Variants in DPYD observed in about 807,000 individuals in gnomAD.
DPYD encodes dihydropyrimidine dehydrogenase, also known as dihydropyrimidine dehydrogenase [NADP(+)].
In DPYD, 109 loss-of-function variants were observed where a neutral mutation model predicts 116.2. The observed-to-expected ratio is 0.94, with a 90% CI of 0.80 to 1.10. DPYD has a LOEUF of 1.10. Ranked by LOEUF, DPYD falls within the 50% of genes least tolerant of loss-of-function variation. DPYD has a pLI of 0.00. For synonymous variants in DPYD, 440 were observed against 432.0 expected, an observed-to-expected ratio of 1.02 and a Z score of -0.23; for missense variants, 1,302 against 1,254.5, an observed-to-expected ratio of 1.04 and a Z score of -0.57.
chr1:97,402,934 A>G (rs1317957266), intron 14 of DPYD, among the ~76,000 whole-genome samples: 1 of 151,996 alleles, frequency 6.6e-6, no homozygotes, highest in African/African-American at 2.4e-5. Context: ...TGAATGTTGA[A>G]CCAGCCTTGA....
chr1:97,774,952 C>A, intron 3 of DPYD: 1 of 341,740 alleles, frequency 2.9e-6, no homozygotes, highest in Non-Finnish European at 6.1e-6. Flanking sequence ...CCTCAAAGGT[C>A]ACCTCACTGC....
intron 13 of DPYD, among the ~76,000 whole-genome samples, chr1:97,475,400 T>C (rs1294425714): frequency 6.6e-6 from 1 of 151,714 alleles, no homozygotes; most frequent in East Asian, 1.9e-4. Context: ...ATAAAAACAG[T>C]GACAATAAAT....
At chr1:97,540,482 T>G (rs1017780152) in intron 12 of DPYD, among the ~76,000 whole-genome samples, 1 of 152,160 alleles carries the variant, frequency 6.6e-6, no homozygotes, top group Non-Finnish European at 1.5e-5. Context: ...GGGCAAGGTC[T>G]GAAAGGGCCC....
At chr1:97,418,209 C>T (rs919812195) in intron 14 of DPYD, among the ~76,000 whole-genome samples, 1 of 151,888 alleles carries the variant, frequency 6.6e-6, no homozygotes, top group African/African-American at 2.4e-5. Flanking sequence ...TATTTATTTC[C>T]ACTACTTGCT....
intron 19 of DPYD, among the ~76,000 whole-genome samples, chr1:97,227,331 C>CAAAAAAAA (rs60992225): frequency 4.4e-3 from 116 of 26,176 alleles, no homozygotes; most frequent in Non-Finnish European, 5.1e-3. Flanking sequence ...GACTCTATCT[C>CAAAAAAAA]AAAAAAAAAA....
At chr1:97,406,454 C>T (rs980972446) in intron 14 of DPYD, among the ~76,000 whole-genome samples, 2 of 150,684 alleles carry the variant, frequency 1.3e-5, no homozygotes, top group African/African-American at 4.9e-5. Context: ...GCAGAATGTG[C>T]AGGTTTGTTA....
At chr1:97,757,700 T>C (rs1665324924) in intron 3 of DPYD, among the ~76,000 whole-genome samples, 1 of 152,130 alleles carries the variant, frequency 6.6e-6, no homozygotes, top group African/African-American at 2.4e-5. Flanking sequence ...TACTTAAAAA[T>C]AATGTAGACA....
chr1:97,489,053 C>T (rs1473342229), intron 13 of DPYD, among the ~76,000 whole-genome samples: 1 of 152,160 alleles, frequency 6.6e-6, no homozygotes, highest in East Asian at 1.9e-4. Context: ...CGGGCTGAGC[C>T]CCAATTTGGG....
intron 1 of DPYD, among the ~76,000 whole-genome samples, chr1:97,902,695 A>G (rs572810761): frequency 3.9e-5 from 6 of 151,956 alleles, no homozygotes; most frequent in Admixed American, 3.9e-4. Context: ...GCTATATAAT[A>G]AGAGGTAATT....
chr1:97,915,523 C>T (rs955116398), intron 1 of DPYD, among the ~76,000 whole-genome samples: 2 of 152,006 alleles, frequency 1.3e-5, no homozygotes, highest in Non-Finnish European at 2.9e-5. Context: ...TAATTGGCTC[C>T]AGGATATCAG....
intron 16 of DPYD, among the ~76,000 whole-genome samples, chr1:97,363,474 A>G (rs562781643): frequency 6.6e-6 from 1 of 152,340 alleles, no homozygotes; most frequent in South Asian, 2.1e-4. Flanking sequence ...AGGATTATAA[A>G]TCATGCTACT....
chr1:97,181,946 A>G (rs1000696563), intron 20 of DPYD, among the ~76,000 whole-genome samples: 5 of 152,140 alleles, frequency 3.3e-5, no homozygotes, highest in African/African-American at 1.2e-4. Context: ...AAAGTACTGC[A>G]AAATAGCTAT....
At chr1:97,196,909 A>C (rs1658858543) in intron 19 of DPYD, among the ~76,000 whole-genome samples, 1 of 152,234 alleles carries the variant, frequency 6.6e-6, no homozygotes, top group South Asian at 2.1e-4. Flanking sequence ...CTTCAACTGA[A>C]ATATAGCTCT....
At chr1:97,296,494 A>T (rs1666539242) in intron 18 of DPYD, among the ~76,000 whole-genome samples, 1 of 152,182 alleles carries the variant, frequency 6.6e-6, no homozygotes, top group South Asian at 2.1e-4. Context: ...TACATGATCA[A>T]ATTATTTAAA....
intron 13 of DPYD, among the ~76,000 whole-genome samples, chr1:97,466,754 T>C (rs889675591): frequency 6.6e-6 from 1 of 152,188 alleles, no homozygotes; most frequent in Non-Finnish European, 1.5e-5. Context: ...CATCTAAGCA[T>C]ATTAAAGGCC....
chr1:97,102,240 G>A lies in DPYD; in HGVS notation c.2623-3608C>T, dbSNP rs555026840. On this transcript the variant is annotated intron_variant, in intron 20 of 22. Coordinates refer to ENST00000370192, the MANE Select transcript of DPYD (RefSeq NM_000110.4). ...GCAAGTTGCCTAATAGCACTAGTCT[G>A]TAGTACTGTAATGGATCAACTTTAT... 7.9e-5 allele frequency among the ~76,000 whole-genome samples: 12 copies of A among 151,562 alleles called. No individual in the cohort carries two copies. The South Asian group carries it at 2.5e-3, about 32-fold the overall frequency.
chr1:97,716,560 G>A (rs1323171600), intron 5 of DPYD, among the ~76,000 whole-genome samples: 1 of 151,986 alleles, frequency 6.6e-6, no homozygotes, highest in Non-Finnish European at 1.5e-5. Context: ...ACAATAAATG[G>A]AATTGAGTTA....
chr1:97,734,004 G>C (rs910964766), intron 4 of DPYD, among the ~76,000 whole-genome samples: 15 of 151,986 alleles, frequency 9.9e-5, no homozygotes, highest in Non-Finnish European at 1.5e-4. Flanking sequence ...TAAATTTTCA[G>C]GAGCTCTTTG....
intron 3 of DPYD, among the ~76,000 whole-genome samples, chr1:97,742,331 A>C (rs1232988665): frequency 1.3e-5 from 2 of 152,072 alleles, no homozygotes; most frequent in Non-Finnish European, 2.9e-5. Flanking sequence ...CCAATTTCTC[A>C]GTGCCTAATT....
Sources: allele counts gnomAD v4.1 joint callset (sites outside exome capture counted in the v4.1 genomes callset), GRCh38; gene constraint gnomAD v4.1.1; transcripts MANE v1.5; gene names NCBI Gene and HGNC (gene_info 2026-07-23, HGNC 2026-07-21).